The following GREB1L variants were observed in gnomAD, a reference collection of about 807,000 sequenced individuals.
GREB1L encodes the protein GREB1-like protein.
GREB1L carries 17 observed loss-of-function variants against 200.8 expected under a neutral mutation model. The ratio of observed to expected loss-of-function variants is 0.08; its 90% CI spans 0.06 to 0.13. GREB1L has a LOEUF of 0.13. GREB1L is among the 10% of genes least tolerant of loss of function. GREB1L has a pLI of 1.00. For synonymous variants in GREB1L, 789 were observed against 893.0 expected, an observed-to-expected ratio of 0.88 and a Z score of 2.08; for missense variants, 1,657 against 2,367.7, an observed-to-expected ratio of 0.70 and a Z score of 6.23.
In GREB1L at chr18:21,441,403, C is replaced by A; in HGVS notation, c.1073C>A (p.Pro358His). The A allele has an allele frequency of 1.3e-6, 2 of 1,521,712 alleles. No individual in the cohort carries two copies. Among genetic ancestry groups the A allele is most frequent in the Non-Finnish European group, 1.8e-6 (2 of 1,137,590 alleles). The allele number at this position is 1,521,712 out of a possible 1,614,324, so 94.3% of individuals were successfully genotyped here. ...TGTCAAACTTTTTTTTTTCCAGAGC[C>A]CCTTTTATCTGCCCCAGTTCCACAG... ...PTVRPLSRTE[P>H]LLSAPVPQTP... Residue 358 changes from proline (P) to histidine (H), a missense_variant, in exon 10 of 33, where the codon CCC (proline) becomes CAC (histidine). Pro to His is a moderately conservative substitution (Grantham distance 77, BLOSUM62 -2). Transcript: ENST00000424526.
At chr18:21,262,711 C>T (rs1598613387) in intron 1 of GREB1L, among the ~76,000 whole-genome samples, 1 of 152,072 alleles carries the variant, frequency 6.6e-6, no homozygotes, top group East Asian at 1.9e-4. Context: ...TTCTAGGTTA[C>T]AAAACCTAGA....
rs1204514384 is a variant in GREB1L at position 21,268,560 on chromosome 18, C to CACACAT, written c.-120+26168_-120+26169insCACATA. ...ACACACACACACACACACACACACACATATATATATATATATATATATATA... is the reference window on the plus strand; with the variant it reads ...ACACACACACACACACACACACACACACACATATATATATATATATATATATATATA... On this transcript the variant is annotated intron_variant, in intron 1 of 32. Coordinates refer to ENST00000424526, the MANE Select transcript of GREB1L (RefSeq NM_001142966.3). Among the ~76,000 whole-genome samples, 387 of 63,466 alleles carry CACACAT rather than the reference C, an allele frequency of 6.1e-3. 2 individuals carry two copies. Among genetic ancestry groups the CACACAT allele is most frequent in the African/African-American group, 7.3e-3 (97 of 13,360 alleles). The allele number at this position is 63,466 out of a possible 152,430, so 41.6% of individuals were successfully genotyped here.
chr18:21,317,275 T>G (rs867762958), intron 1 of GREB1L, among the ~76,000 whole-genome samples: 2 of 151,420 alleles, frequency 1.3e-5, no homozygotes, highest in Middle Eastern at 3.4e-3. Context: ...TATACAATGT[T>G]AAAAAAAATT....
At chr18:21,319,247 T>C (rs1427195651) in intron 1 of GREB1L, among the ~76,000 whole-genome samples, 1 of 152,170 alleles carries the variant, frequency 6.6e-6, no homozygotes, top group African/African-American at 2.4e-5. Context: ...TTCAAAATCA[T>C]ACAGAGAAGG....
intron 5 of GREB1L, among the ~76,000 whole-genome samples, chr18:21,395,969 C>T (rs1427500616): frequency 1.3e-5 from 2 of 151,890 alleles, no homozygotes; most frequent in Non-Finnish European, 2.9e-5. Context: ...ACCTCGTGAT[C>T]TGCCCACCTC....
intron 27 of GREB1L, among the ~76,000 whole-genome samples, chr18:21,511,096 C>T (rs112462585): frequency 1.7e-4 from 26 of 152,192 alleles, no homozygotes; most frequent in African/African-American, 5.1e-4. Context: ...TTCTCCCGGC[C>T]GGGTACAGTG....
chr18:21,309,714 A>G (rs1347933801), intron 1 of GREB1L, among the ~76,000 whole-genome samples: 2 of 151,668 alleles, frequency 1.3e-5, no homozygotes, highest in African/African-American at 2.4e-5. Flanking sequence ...TTCTCTCTCA[A>G]TTCATCTTGC....
chr18:21,389,001 T>C (rs1225750832), intron 4 of GREB1L, among the ~76,000 whole-genome samples: 1 of 152,120 alleles, frequency 6.6e-6, no homozygotes, highest in African/African-American at 2.4e-5. Flanking sequence ...GCTGAGGGGC[T>C]GAAGGAGTGT....
At chr18:21,286,282 A>G (rs2038355746) in intron 1 of GREB1L, among the ~76,000 whole-genome samples, 1 of 152,204 alleles carries the variant, frequency 6.6e-6, no homozygotes, top group Admixed American at 6.5e-5. Context: ...CTTTGACTAG[A>G]ATGTATACTC....
intron 19 of GREB1L, among the ~76,000 whole-genome samples, chr18:21,492,405 G>A (rs2036379319): frequency 6.6e-6 from 1 of 152,142 alleles, no homozygotes; most frequent in South Asian, 2.1e-4. Context: ...GCAGCACCAT[G>A]CTAAGTCTCC....
chr18:21,456,674 A>G (rs745956966), intron 15 of GREB1L, among the ~76,000 whole-genome samples: 4 of 152,128 alleles, frequency 2.6e-5, no homozygotes, highest in Non-Finnish European at 4.4e-5. Flanking sequence ...TTTTGGAATG[A>G]CAGGTTACAA....
intron 1 of GREB1L, among the ~76,000 whole-genome samples, chr18:21,357,440 G>T (rs138014146): frequency 6.6e-6 from 1 of 152,074 alleles, no homozygotes; most frequent in African/African-American, 2.4e-5. Context: ...TTGGCTCTTC[G>T]CCCTGTTGAT....
intron 27 of GREB1L, among the ~76,000 whole-genome samples, chr18:21,508,880 T>C (rs1332654217): frequency 6.6e-6 from 1 of 152,132 alleles, no homozygotes; most frequent in Non-Finnish European, 1.5e-5. Flanking sequence ...CCATGTAGGC[T>C]GCAAATGTTC....
At chr18:21,409,012 C>T (rs1248313827) in intron 7 of GREB1L, among the ~76,000 whole-genome samples, 5 of 152,092 alleles carry the variant, frequency 3.3e-5, no homozygotes, top group Admixed American at 1.3e-4. Context: ...CCCAGCAATT[C>T]CACTCCCAGG....
intron 1 of GREB1L, among the ~76,000 whole-genome samples, chr18:21,242,645 T>C (rs1227679400): frequency 6.6e-6 from 1 of 151,994 alleles, no homozygotes; most frequent in East Asian, 1.9e-4. Context: ...CCGCCTCGCG[T>C]CGCCCACCGA....
chr18:21,404,130 T>A, intron 7 of GREB1L, 136 bp downstream of exon 7: 1 of 798,882 alleles, frequency 1.3e-6, no homozygotes, highest in Non-Finnish European at 1.9e-6. Flanking sequence ...ACTATTAGAG[T>A]TAGAATTCAG....
In GREB1L at chr18:21,389,177, G is replaced by A. The variant is rs141462006; in HGVS notation, c.355+4774G>A. ...CTCCCATTTATTGATGGGTTCATTC[G>A]TTTATTTATGTCATTATGGCCATAA... On this transcript the variant is annotated intron_variant, in intron 4 of 32. Transcript: ENST00000424526. Among the ~76,000 whole-genome samples, 8 of 151,962 alleles carry A rather than the reference G, an allele frequency of 5.3e-5. No individual in the cohort carries two copies. The East Asian group carries it at 1.2e-3, about 22-fold the overall frequency.
chr18:21,431,728 CT>C (rs2033165286), intron 7 of GREB1L, among the ~76,000 whole-genome samples: 1 of 151,978 alleles, frequency 6.6e-6, no homozygotes, highest in Non-Finnish European at 1.5e-5. Flanking sequence ...GTACCCAACC[CT>C]TGTTATTAAA....
intron 25 of GREB1L, among the ~76,000 whole-genome samples, chr18:21,507,750 T>C (rs551146331): frequency 2.0e-5 from 3 of 152,322 alleles, no homozygotes; most frequent in Admixed American, 2.0e-4. Flanking sequence ...CAGAAGTGTT[T>C]CCCTCCGATT....
Sources: allele counts gnomAD v4.1 joint callset (sites outside exome capture counted in the v4.1 genomes callset), GRCh38; gene constraint gnomAD v4.1.1; transcripts MANE v1.5; gene names NCBI Gene and HGNC (gene_info 2026-07-23, HGNC 2026-07-21).